Variants in ERC2 observed in about 807,000 individuals in gnomAD.
ERC2 encodes ELKS/RAB6-interacting/CAST family member 2.
In ERC2, 42 loss-of-function variants were observed where a neutral mutation model predicts 114.8. The observed-to-expected ratio is 0.37, with a 90% CI of 0.29 to 0.47. The LOEUF (loss-of-function observed/expected upper bound fraction) is 0.47. Ranked by LOEUF, ERC2 falls within the 20% of genes least tolerant of loss-of-function variation. The pLI is 0.99. For missense variants in ERC2, 939 were observed against 1,150.7 expected, an observed-to-expected ratio of 0.82 and a Z score of 2.66; for synonymous variants, 454 against 425.5, an observed-to-expected ratio of 1.07 and a Z score of -0.82.
intron 6 of ERC2, among the ~76,000 whole-genome samples, chr3:56,126,807 G>GAAGGAAAGGAAAGGA (rs772412464): frequency 0.19 from 20,402 of 107,214 alleles, 2,529 homozygotes; most frequent in East Asian, 0.28. Flanking sequence ...AAAGGAAAGG[G>GAAGGAAAGGAAAGGA]AAGGAAAGGA....
intron 6 of ERC2, among the ~76,000 whole-genome samples, chr3:56,088,743 G>C (rs1030659373): frequency 6.6e-6 from 1 of 152,042 alleles, no homozygotes; most frequent in Non-Finnish European, 1.5e-5. Context: ...CATTTCTAAG[G>C]TATTACAAGG....
At chr3:55,904,066 G>A (rs2064292309) in intron 13 of ERC2, among the ~76,000 whole-genome samples, 1 of 152,168 alleles carries the variant, frequency 6.6e-6, no homozygotes, top group African/African-American at 2.4e-5. Context: ...TAAAAATTCA[G>A]GTTCTAAAAG....
chr3:55,923,169 A>G (rs1176219705), intron 13 of ERC2, among the ~76,000 whole-genome samples: 1 of 152,190 alleles, frequency 6.6e-6, no homozygotes, highest in Non-Finnish European at 1.5e-5. Context: ...AAAATGTGAT[A>G]TATACATGCA....
chr3:56,364,957 C>T (rs531358974), intron 2 of ERC2, among the ~76,000 whole-genome samples: 1 of 152,280 alleles, frequency 6.6e-6, no homozygotes, highest in African/African-American at 2.4e-5. Flanking sequence ...TGGAGTTCCA[C>T]CACTCACCAA....
At chr3:56,370,339 T>C (rs144379288) in intron 2 of ERC2, among the ~76,000 whole-genome samples, 99 of 152,286 alleles carry the variant, frequency 6.5e-4, no homozygotes, top group African/African-American at 2.2e-3. Context: ...TGATGGACAA[T>C]TGCATTGCTC....
At chr3:56,269,879 C>G (rs2053547237) in intron 3 of ERC2, among the ~76,000 whole-genome samples, 1 of 152,158 alleles carries the variant, frequency 6.6e-6, no homozygotes, top group Non-Finnish European at 1.5e-5. Flanking sequence ...GGGTGAGGCT[C>G]TGGTCACTTG....
At chr3:55,911,620 A>T (rs542190315) in intron 13 of ERC2, among the ~76,000 whole-genome samples, 1 of 152,196 alleles carries the variant, frequency 6.6e-6, no homozygotes, top group Admixed American at 6.5e-5. Context: ...GAGGACCACC[A>T]ATTTGCATTC....
At chr3:55,985,053 C>A (rs2070481947) in intron 12 of ERC2, among the ~76,000 whole-genome samples, 1 of 152,208 alleles carries the variant, frequency 6.6e-6, no homozygotes, top group Non-Finnish European at 1.5e-5. Flanking sequence ...ACTATACTGA[C>A]TGCCACATTG....
At chr3:56,419,342 C>G (rs1367327890) in intron 2 of ERC2, among the ~76,000 whole-genome samples, 1 of 152,128 alleles carries the variant, frequency 6.6e-6, no homozygotes, top group Non-Finnish European at 1.5e-5. Context: ...AATTTTCGTA[C>G]CCAGAGACAA....
intron 7 of ERC2, among the ~76,000 whole-genome samples, chr3:56,036,389 A>G (rs2074803422): frequency 6.6e-6 from 1 of 152,166 alleles, no homozygotes; most frequent in South Asian, 2.1e-4. Context: ...AGGCAAGAAA[A>G]AAAACAATAA....
chr3:55,806,643 C>T (rs1342375198), intron 14 of ERC2, among the ~76,000 whole-genome samples: 2 of 152,110 alleles, frequency 1.3e-5, no homozygotes, highest in East Asian at 1.9e-4. Context: ...GGGCAGAGGC[C>T]AGGGATGCTA....
chr3:55,836,556 G>C (rs1323769957), intron 14 of ERC2, among the ~76,000 whole-genome samples: 1 of 152,174 alleles, frequency 6.6e-6, no homozygotes, highest in Non-Finnish European at 1.5e-5. Context: ...GCCATATGTA[G>C]AAAGCTGAAA....
chr3:55,799,858 C>T lies in ERC2; in HGVS notation c.2565-64940G>A, dbSNP rs146860433. 5.0e-3 allele frequency among the ~76,000 whole-genome samples: 759 copies of T among 152,094 alleles called. 6 individuals carry two copies. The highest frequency in any genetic ancestry group is 0.017 in the African/African-American group (714 of 41,514). The stretch of plus-strand genomic sequence containing the variant: ...ATTTTGGGCTCTTCGTTCCATTGAC[C>T]CAACAGTCAGAGTAGGGGTCACCAT... On this transcript the variant is annotated intron_variant, in intron 14 of 17. Transcript: ENST00000288221.
chr3:56,327,914 A>G (rs889273770), intron 2 of ERC2, among the ~76,000 whole-genome samples: 5 of 152,296 alleles, frequency 3.3e-5, no homozygotes, highest in African/African-American at 1.2e-4. Flanking sequence ...TTCACAAACT[A>G]CATGTGGTTG....
At chr3:55,712,535 C>A (rs1241760543) in intron 15 of ERC2, among the ~76,000 whole-genome samples, 1 of 152,140 alleles carries the variant, frequency 6.6e-6, no homozygotes, top group East Asian at 1.9e-4. Flanking sequence ...ATGCAAATGC[C>A]ACTCATGCTT....
At chr3:55,599,690 T>C (rs1258792664) in intron 17 of ERC2, among the ~76,000 whole-genome samples, 2 of 152,220 alleles carry the variant, frequency 1.3e-5, no homozygotes, top group Admixed American at 6.5e-5. Context: ...ACTACAGTCA[T>C]CTATAGTAAG....
chr3:55,845,824 AG>A (rs2061340982), intron 14 of ERC2, among the ~76,000 whole-genome samples: 1 of 152,260 alleles, frequency 6.6e-6, no homozygotes, highest in African/African-American at 2.4e-5. Flanking sequence ...TCAATAAGGC[AG>A]CCATGTACAC....
chr3:56,015,186 C>G (rs2073221785), intron 8 of ERC2, among the ~76,000 whole-genome samples: 2 of 151,810 alleles, frequency 1.3e-5, no homozygotes, highest in South Asian at 2.1e-4. Flanking sequence ...CTTACAAAAG[C>G]CTCATTTTAA....
At chr3:56,049,231 C>T (rs552616750) in intron 7 of ERC2, among the ~76,000 whole-genome samples, 1 of 152,252 alleles carries the variant, frequency 6.6e-6, no homozygotes, top group Admixed American at 6.5e-5. Context: ...GGGGTGAGCG[C>T]ATGCTAAGGA....
Sources: gnomAD v4.1 joint callset for allele counts (sites outside exome capture counted in the v4.1 genomes callset) on GRCh38, gnomAD v4.1.1 for gene constraint, MANE v1.5 for transcripts, NCBI Gene and HGNC (gene_info 2026-07-23, HGNC 2026-07-21) for gene names.